C1QTNF7: variants seen among roughly 807,000 people sequenced by gnomAD.
The protein encoded by C1QTNF7 is C1q and TNF related 7.
C1QTNF7 carries 15 observed loss-of-function variants against 19.6 expected under a neutral mutation model. That is an observed-to-expected ratio of 0.76 (90% CI 0.51 to 1.18). The LOEUF (loss-of-function observed/expected upper bound fraction) is 1.18. Among genes scored for constraint, C1QTNF7 ranks in the 50% most tolerant of loss-of-function variants. C1QTNF7 has a pLI of 0.00. For missense variants in C1QTNF7, 324 were observed against 359.7 expected, an observed-to-expected ratio of 0.90 and a Z score of 0.80; for synonymous variants, 142 against 137.5, an observed-to-expected ratio of 1.03 and a Z score of -0.23.
chr4:15,375,583 C>T (rs535354632), intron 1 of C1QTNF7, among the ~76,000 whole-genome samples: 6 of 152,106 alleles, frequency 3.9e-5, no homozygotes, highest in Non-Finnish European at 7.4e-5. Flanking sequence ...CAAACTTGAA[C>T]GGAATCGTTT....
intron 1 of C1QTNF7, among the ~76,000 whole-genome samples, chr4:15,429,583 T>A (rs1712215486): frequency 6.6e-6 from 1 of 152,230 alleles, no homozygotes; most frequent in Non-Finnish European, 1.5e-5. Flanking sequence ...CTTTTAAGGC[T>A]GAAGAAGATT....
chr4:15,424,467 T>C (rs150378526), upstream of C1QTNF7, among the ~76,000 whole-genome samples: 823 of 152,296 alleles, frequency 5.4e-3, 6 homozygotes, highest in African/African-American at 0.015. Context: ...AAGGTGTTCC[T>C]TGGTTGATAG....
chr4:15,371,190 C>T (rs1375139767), intron 1 of C1QTNF7, among the ~76,000 whole-genome samples: 1 of 152,230 alleles, frequency 6.6e-6, no homozygotes, highest in Non-Finnish European at 1.5e-5. Flanking sequence ...ACAGCAGATG[C>T]GACCCAAGAT....
chr4:15,441,506 G>A (rs994115312), intron 2 of C1QTNF7, among the ~76,000 whole-genome samples: 10 of 152,116 alleles, frequency 6.6e-5, no homozygotes, highest in African/African-American at 2.2e-4. Context: ...GCCCCTCTGG[G>A]CCCACTCTGA....
intron 1 of C1QTNF7, chr4:15,381,799 C>A (rs1313430526): frequency 6.6e-6 from 1 of 152,196 alleles, no homozygotes. Flanking sequence ...TGGAACCCAA[C>A]TCAGACAGGA....
rs1719509668 is a variant in C1QTNF7, at chr4:15,414,265, A to G, written c.14-21471A>G. Among the ~76,000 whole-genome samples, 3 of 152,262 alleles carry G rather than the reference A, an allele frequency of 2.0e-5. 1 individual carries two copies. In the South Asian group the frequency reaches 6.2e-4, roughly 32 times the overall value. On this transcript the variant is annotated intron_variant, in intron 1 of 2. Coordinates refer to the C1QTNF7 transcript ENST00000295297. The stretch of plus-strand genomic sequence containing the variant: ...AGAAAATACAGAAAGGGAGAGAACA[A>G]CAAACAAATCTGTGATCATAACATA...
intron 1 of C1QTNF7, among the ~76,000 whole-genome samples, chr4:15,347,573 C>T (rs745968083): frequency 3.9e-5 from 6 of 152,172 alleles, no homozygotes; most frequent in Non-Finnish European, 5.9e-5. Context: ...CTTGTGCCAA[C>T]TCCATATGTA....
chr4:15,385,091 T>C (rs1205215426), intron 1 of C1QTNF7, among the ~76,000 whole-genome samples: 1 of 152,240 alleles, frequency 6.6e-6, no homozygotes, highest in Non-Finnish European at 1.5e-5. Context: ...AAATAAGTAC[T>C]GGTCTCTTTG....
chr4:15,386,729 C>T (rs1365599335), intron 1 of C1QTNF7, among the ~76,000 whole-genome samples: 1 of 152,148 alleles, frequency 6.6e-6, no homozygotes, highest in African/African-American at 2.4e-5. Context: ...GAGGGAAAGG[C>T]TTTCTAGGCA....
At chr4:15,399,177 C>T (rs1718897601) in intron 1 of C1QTNF7, among the ~76,000 whole-genome samples, 1 of 152,210 alleles carries the variant, frequency 6.6e-6, no homozygotes, top group Non-Finnish European at 1.5e-5. Flanking sequence ...CTGCTGATCA[C>T]CAGTTTCAGG....
chr4:15,400,857 G>C (rs1051494968), intron 1 of C1QTNF7, among the ~76,000 whole-genome samples: 8 of 152,098 alleles, frequency 5.3e-5, no homozygotes, highest in African/African-American at 1.9e-4. Context: ...GTTCATTGTG[G>C]GCCCTCAGGA....
rs534343721 is a variant in C1QTNF7 at position 15,372,613 on chromosome 4, T to G, written c.13+32406T>G. ...ATAATAAATTAATAAAAGGGTAAGA[T>G]AGTGAATGGAACCATAAAATATGAG... On this transcript the variant is annotated intron_variant, in intron 1 of 2. Transcript: ENST00000295297. Among the ~76,000 whole-genome samples, 177 of 152,316 alleles carry G rather than the reference T, an allele frequency of 1.2e-3. 1 individual carries two copies. The highest frequency in any genetic ancestry group is 4.1e-3 in the African/African-American group (170 of 41,582).
At chr4:15,438,961 T>C (rs1484811484) in intron 2 of C1QTNF7, among the ~76,000 whole-genome samples, 3 of 152,182 alleles carry the variant, frequency 2.0e-5, no homozygotes, top group African/African-American at 7.2e-5. Flanking sequence ...AATGAATGAA[T>C]GGTTGGATGG....
chr4:15,387,122 T>C (rs745641512), intron 1 of C1QTNF7, among the ~76,000 whole-genome samples: 6 of 152,266 alleles, frequency 3.9e-5, no homozygotes, highest in Middle Eastern at 3.4e-3. Flanking sequence ...AAAGGATTTG[T>C]TAATGTACAA....
At chr4:15,365,804 C>G (rs189273875) in intron 1 of C1QTNF7, among the ~76,000 whole-genome samples, 3 of 152,304 alleles carry the variant, frequency 2.0e-5, no homozygotes, top group Admixed American at 1.3e-4. Context: ...ACTCCTCCCT[C>G]CCAACGGCTG....
chr4:15,410,533 A>G (rs1399923070), intron 1 of C1QTNF7, among the ~76,000 whole-genome samples: 1 of 152,224 alleles, frequency 6.6e-6, no homozygotes, highest in Non-Finnish European at 1.5e-5. Flanking sequence ...ACTAACCCAC[A>G]ATATATTTAA....
intron 1 of C1QTNF7, among the ~76,000 whole-genome samples, chr4:15,362,132 G>C (rs965475394): frequency 2.6e-5 from 4 of 152,124 alleles, no homozygotes; most frequent in African/African-American, 9.7e-5. Flanking sequence ...ACCTCGAATG[G>C]CTGTTGCAAA....
At chr4:15,394,708 G>C (rs898466390) in intron 1 of C1QTNF7, among the ~76,000 whole-genome samples, 3 of 152,132 alleles carry the variant, frequency 2.0e-5, no homozygotes, top group African/African-American at 4.8e-5. Context: ...ACATGTGTTG[G>C]ATTCCGATGG....
intron 1 of C1QTNF7, among the ~76,000 whole-genome samples, chr4:15,400,315 A>C (rs7690471): frequency 0.36 from 54,443 of 152,170 alleles, 10,042 homozygotes; most frequent in East Asian, 0.55. Context: ...TCTTTGAGGG[A>C]TATAGATGAT....
Sources: gnomAD v4.1 joint callset for allele counts (sites outside exome capture counted in the v4.1 genomes callset) on GRCh38, gnomAD v4.1.1 for gene constraint, MANE v1.5 for transcripts, NCBI Gene and HGNC (gene_info 2026-07-23, HGNC 2026-07-21) for gene names.